CADPS2: variants seen among roughly 807,000 people sequenced by gnomAD.
The protein encoded by CADPS2 is calcium-dependent secretion activator 2.
Under a neutral mutation model 172.5 loss-of-function variants are expected in CADPS2, and 93 were observed. The observed-to-expected ratio is 0.54, with a 90% CI of 0.46 to 0.64. The LOEUF is 0.64. CADPS2 is among the 30% of genes least tolerant of loss of function. The probability of loss-of-function intolerance (pLI) is 0.00; values close to 1 mark genes in which losing one functional copy is unlikely to be tolerated. For synonymous variants in CADPS2, 546 were observed against 555.2 expected, an observed-to-expected ratio of 0.98 and a Z score of 0.23; for missense variants, 1,420 against 1,565.9, an observed-to-expected ratio of 0.91 and a Z score of 1.57.
intron 11 of CADPS2, 72 bp downstream of exon 11, chr7:122,490,009 T>C (rs1375734277): frequency 7.8e-7 from 1 of 1,274,376 alleles, no homozygotes; most frequent in East Asian, 2.5e-5. Context: ...TAATACTGAA[T>C]ACATTTGCCT....
chr7:122,790,026 G>GTTTTTTTTTTTTTTTT (rs771290127), intron 1 of CADPS2, among the ~76,000 whole-genome samples: 1 of 141,076 alleles, frequency 7.1e-6, no homozygotes, highest in African/African-American at 2.7e-5. Context: ...CAAATATTAA[G>GTTTTTTTTTTTTTTTT]TGTTTTTTTT....
intron 2 of CADPS2, among the ~76,000 whole-genome samples, chr7:122,725,070 A>G (rs1324177726): frequency 6.6e-6 from 1 of 152,060 alleles, no homozygotes; most frequent in East Asian, 1.9e-4. Context: ...TCATGAACAC[A>G]AACATATTTT....
At chr7:122,484,525 G>A (rs1490409467) in intron 11 of CADPS2, among the ~76,000 whole-genome samples, 2 of 143,050 alleles carry the variant, frequency 1.4e-5, no homozygotes, top group East Asian at 2.1e-4. Flanking sequence ...AAATGTAAAC[G>A]CCAAAATTGT....
chr7:122,388,573 A>G lies in CADPS2; in HGVS notation c.3164+10T>C, dbSNP rs183140549. ...GCACATTAAGCAGCAATTTGAAAAT[A>G]CATGTCTACCTTTTGACACAGGCCT... is the stretch of plus-strand genomic sequence containing the variant. On this transcript the variant is annotated intron_variant, in intron 23 of 29. Coordinates refer to ENST00000449022, the MANE Select transcript of CADPS2 (RefSeq NM_017954.11). 5.6e-4 allele frequency: 879 copies of G among 1,564,632 alleles called. No homozygotes were observed. Among genetic ancestry groups the G allele is most frequent in the Admixed American group, 2.4e-3 (128 of 53,698 alleles).
chr7:122,878,425 G>A (rs1821883138), intron 1 of CADPS2, among the ~76,000 whole-genome samples: 1 of 151,958 alleles, frequency 6.6e-6, no homozygotes, highest in Non-Finnish European at 1.5e-5. Context: ...GGCCGAGGTG[G>A]GCGGATCACA....
rs73717698 is a variant in CADPS2 at position 122,583,207 on chromosome 7, C to G, written c.1224-1917G>C. Reference sequence around the variant, plus strand: ...CAATATTTATCACCATAGCACATTTCTCATTTATGCATTAAAATATTTTTA... The same window carrying G: ...CAATATTTATCACCATAGCACATTTGTCATTTATGCATTAAAATATTTTTA... On this transcript the variant is annotated intron_variant, in intron 6 of 29. Coordinates refer to ENST00000449022, the MANE Select transcript of CADPS2 (RefSeq NM_017954.11). Among the ~76,000 whole-genome samples the G allele has an allele frequency of 7.7e-3, 1,172 of 152,080 alleles. 16 individuals carry two copies. The highest frequency in any genetic ancestry group is 0.027 in the African/African-American group (1,132 of 41,526).
At chr7:122,661,983 A>G (rs1280790134) in intron 3 of CADPS2, among the ~76,000 whole-genome samples, 1 of 152,238 alleles carries the variant, frequency 6.6e-6, no homozygotes, top group East Asian at 1.9e-4. Context: ...TAATAAAACA[A>G]TGAAATCAAT....
chr7:122,474,106 G>A (rs538486118), intron 13 of CADPS2, among the ~76,000 whole-genome samples: 1 of 152,222 alleles, frequency 6.6e-6, no homozygotes, highest in African/African-American at 2.4e-5. Flanking sequence ...GTTCTTTAAA[G>A]TGACTGATAC....
At chr7:122,814,145 T>C (rs1239557300) in intron 1 of CADPS2, among the ~76,000 whole-genome samples, 2 of 151,798 alleles carry the variant, frequency 1.3e-5, no homozygotes, top group South Asian at 2.1e-4. Context: ...AACCAAGCTA[T>C]TCTGGTTCCT....
intron 3 of CADPS2, among the ~76,000 whole-genome samples, chr7:122,647,746 TA>T (rs1332400551): frequency 1.3e-5 from 2 of 152,110 alleles, no homozygotes; most frequent in Non-Finnish European, 2.9e-5. Flanking sequence ...CAAAATGCTT[TA>T]AAAAAAGCTT....
At chr7:122,732,513 T>C (rs1028861938) in intron 2 of CADPS2, among the ~76,000 whole-genome samples, 5 of 150,240 alleles carry the variant, frequency 3.3e-5, no homozygotes, top group African/African-American at 1.2e-4. Flanking sequence ...ATCTTTTCAA[T>C]TTAATTTGTA....
rs552335643 is a variant in CADPS2, at chr7:122,353,622, T to G, written c.3504+7166A>C. On this transcript the variant is annotated intron_variant, in intron 27 of 29. Transcript: ENST00000449022. ...TAAATAGGGATTTTAAAAATCAACATACATCCTTAAACCCCAAAATGTCCT... is the reference window on the plus strand; with the variant it reads ...TAAATAGGGATTTTAAAAATCAACAGACATCCTTAAACCCCAAAATGTCCT... Among the ~76,000 whole-genome samples, 7 of 152,294 alleles carry G rather than the reference T, an allele frequency of 4.6e-5. No individual in the cohort carries two copies. The East Asian group carries it at 1.4e-3, about 29-fold the overall frequency.
Position 122,388,752 on chromosome 7 carries a change from GA to G in CADPS2, c.3009-15del. ...GCTGAGCCATTGCTAGAAGAAAAAG[GA>G]AAAATGAACATCATGAACTCCCCGT... On this transcript the variant is annotated splice_polypyrimidine_tract_variant and intron_variant, in intron 22 of 29. Transcript: ENST00000449022. 2 of 1,585,594 alleles carry G rather than the reference GA, an allele frequency of 1.3e-6. No homozygotes were observed. Among genetic ancestry groups the G allele is most frequent in the South Asian group, 1.1e-5 (1 of 88,062 alleles).
At position 122,429,798 on chromosome 7, in the gene CADPS2, T is replaced by C. The variant is rs142962531; in HGVS notation, c.2476+8543A>G. On this transcript the variant is annotated intron_variant, in intron 17 of 29. Coordinates refer to ENST00000449022, the MANE Select transcript of CADPS2 (RefSeq NM_017954.11). Reference sequence around the variant, plus strand: ...TTCCTAAGGAGCCACATAAAACTTTTATCAGAGAAAACTGTTATATCATCT... The same window carrying C: ...TTCCTAAGGAGCCACATAAAACTTTCATCAGAGAAAACTGTTATATCATCT... 2.7e-4 allele frequency among the ~76,000 whole-genome samples: 41 copies of C among 152,274 alleles called. 1 individual carries two copies. The East Asian group carries it at 7.1e-3, about 26-fold the overall frequency.
chr7:122,834,735 G>T lies in CADPS2; in HGVS notation c.339+51264C>A, dbSNP rs1035306649. ...AACTGCAAGGCGGCAGCGAGGCTGG[G>T]GGAGGGGCACCTGCCATCGCTGAGG... On this transcript the variant is annotated intron_variant, in intron 1 of 29. Coordinates refer to ENST00000449022, the MANE Select transcript of CADPS2 (RefSeq NM_017954.11). Among the ~76,000 whole-genome samples, 7 of 152,210 alleles carry T rather than the reference G, an allele frequency of 4.6e-5. No homozygotes were observed. In the East Asian group the frequency reaches 1.2e-3, roughly 25 times the overall value.
chr7:122,553,280 A>G (rs1587195805), intron 8 of CADPS2, among the ~76,000 whole-genome samples: 1 of 152,310 alleles, frequency 6.6e-6, no homozygotes, highest in East Asian at 1.9e-4. Context: ...TAGTTGGAAG[A>G]CAGTAGTGCT....
intron 14 of CADPS2, among the ~76,000 whole-genome samples, chr7:122,453,009 T>A (rs935517284): frequency 2.0e-5 from 3 of 152,288 alleles, no homozygotes; most frequent in South Asian, 4.1e-4. Flanking sequence ...AATCAAAGTA[T>A]CATTTAAGTA....
intron 25 of CADPS2, among the ~76,000 whole-genome samples, chr7:122,366,345 C>G (rs2040836960): frequency 6.6e-6 from 1 of 150,868 alleles, no homozygotes; most frequent in African/African-American, 2.4e-5. Flanking sequence ...TGGCTCACAC[C>G]TGTAATCCCA....
chr7:122,885,958 G>A (rs1344335510), intron 1 of CADPS2, 41 bp downstream of exon 1: 12 of 1,577,002 alleles, frequency 7.6e-6, no homozygotes, highest in Non-Finnish European at 1.0e-5. Context: ...GAAAAACCCA[G>A]GGAGAAGTGG....
Sources: allele counts gnomAD v4.1 joint callset (sites outside exome capture counted in the v4.1 genomes callset), GRCh38; gene constraint gnomAD v4.1.1; transcripts MANE v1.5; gene names NCBI Gene and HGNC (gene_info 2026-07-23, HGNC 2026-07-21).